The following MLIP variants were observed in gnomAD, a reference collection of about 807,000 sequenced individuals.
MLIP encodes muscular LMNA-interacting protein.
In MLIP, 79 loss-of-function variants were observed where a neutral mutation model predicts 84.8. That is an observed-to-expected ratio of 0.93 (90% CI 0.78 to 1.12). The LOEUF is 1.12. Among genes scored for constraint, MLIP ranks in the 50% most tolerant of loss-of-function variants. The probability of loss-of-function intolerance (pLI) is 0.00; values close to 1 mark genes in which losing one functional copy is unlikely to be tolerated. For missense variants in MLIP, 1,257 were observed against 1,160.6 expected, an observed-to-expected ratio of 1.08 and a Z score of -1.21; for synonymous variants, 504 against 463.0, an observed-to-expected ratio of 1.09 and a Z score of -1.14.
chr6:54,161,964 A>C (rs1473165631), intron 8 of MLIP, among the ~76,000 whole-genome samples: 2 of 151,974 alleles, frequency 1.3e-5, no homozygotes, highest in Non-Finnish European at 2.9e-5. Flanking sequence ...TATAATGAGA[A>C]TAGGATTTAA....
chr6:54,230,176 C>A (rs886066195), intron 11 of MLIP, among the ~76,000 whole-genome samples: 1 of 152,108 alleles, frequency 6.6e-6, no homozygotes, highest in Non-Finnish European at 1.5e-5. Context: ...CCAGACCCAC[C>A]CTTCCCTGAT....
At position 54,210,968 on chromosome 6, in the gene MLIP, G is replaced by T. The variant is rs550287231; in HGVS notation, c.2718+8735G>T. Among the ~76,000 whole-genome samples the T allele has an allele frequency of 5.9e-5, 9 of 152,166 alleles. No individual in the cohort carries two copies. In the South Asian group the frequency reaches 6.2e-4, roughly 11 times the overall value. On this transcript the variant is annotated intron_variant, in intron 11 of 13. Transcript: ENST00000502396. ...AATAAAGTTGGGAGGGCTGGGTGCA[G>T]TGGCTCAGGCCTGTAATCCCAGCAC... is the stretch of plus-strand genomic sequence containing the variant.
intron 1 of MLIP, chr6:54,045,759 C>T (rs1765011428): frequency 6.5e-6 from 1 of 153,428 alleles, no homozygotes; most frequent in Non-Finnish European, 1.4e-5. Context: ...AAACGTAACT[C>T]CTTCCTCTTC....
intron 1 of MLIP, among the ~76,000 whole-genome samples, chr6:54,098,874 A>G (rs1768424086): frequency 6.6e-6 from 1 of 152,166 alleles, no homozygotes; most frequent in South Asian, 2.1e-4. Flanking sequence ...TATTTTACAG[A>G]TGAGAAAATC....
chr6:54,246,225 A>C (rs933677449), intron 12 of MLIP, among the ~76,000 whole-genome samples: 4 of 152,152 alleles, frequency 2.6e-5, no homozygotes. Context: ...TCTTAGCTTT[A>C]TGAAGGCATT....
At chr6:54,177,404 C>T (rs1246970741) in intron 9 of MLIP, among the ~76,000 whole-genome samples, 1 of 151,770 alleles carries the variant, frequency 6.6e-6, no homozygotes, top group African/African-American at 2.4e-5. Context: ...AGACAATTGT[C>T]AAAAGAAGAC....
At chr6:54,138,900 C>T (rs1772058193) in intron 4 of MLIP, among the ~76,000 whole-genome samples, 1 of 152,022 alleles carries the variant, frequency 6.6e-6, no homozygotes, top group African/African-American at 2.4e-5. Context: ...AGTTAAAGTG[C>T]CTGCATAAGA....
At chr6:54,187,547 G>A (rs1266406872) in intron 9 of MLIP, among the ~76,000 whole-genome samples, 3 of 152,202 alleles carry the variant, frequency 2.0e-5, no homozygotes, top group Admixed American at 6.5e-5. Flanking sequence ...TTATTAAGAC[G>A]TTAACTTCAA....
Position 54,257,311 on chromosome 6 carries a change from A to C in MLIP, c.2926A>C (p.Ser976Arg), listed in dbSNP as rs766239927. The change falls in exon 13 of 14, where the codon AGT becomes CGT. Residue 976 changes from serine to arginine, a missense_variant. Transcript: ENST00000502396. ...CCTGGGCATCTTTTCTGTGAAGCTG[A>C]GTCATCCAATGGTGGCTATTCCTGA... is the stretch of plus-strand genomic sequence containing the variant. ...LLSHNACNKL[S>R]HPMVAIPEHE... is the part of the protein sequence containing the mutation. 2 of 1,612,114 alleles carry C rather than the reference A, an allele frequency of 1.2e-6. No individual in the cohort carries two copies. Among genetic ancestry groups the C allele is most frequent in the South Asian group, 2.2e-5 (2 of 90,938 alleles).
chr6:54,126,387 A>T (rs1770920740), intron 3 of MLIP, among the ~76,000 whole-genome samples: 1 of 151,944 alleles, frequency 6.6e-6, no homozygotes, highest in African/African-American at 2.4e-5. Flanking sequence ...CCTTTAAAAT[A>T]TTTTTTCCAA....
chr6:54,200,235 G>C (rs922059882), intron 10 of MLIP, among the ~76,000 whole-genome samples: 1 of 152,130 alleles, frequency 6.6e-6, no homozygotes, highest in African/African-American at 2.4e-5. Flanking sequence ...GCCTGCTTGC[G>C]ATAAAGGGAC....
intron 1 of MLIP, among the ~76,000 whole-genome samples, chr6:54,025,627 ACT>A (rs1429679703): frequency 2.6e-5 from 4 of 151,978 alleles, no homozygotes; most frequent in African/African-American, 7.3e-5. Context: ...AGTAGCAATG[ACT>A]CTTGCTGTGT....
intron 1 of MLIP, among the ~76,000 whole-genome samples, chr6:54,040,725 T>G (rs943992759): frequency 6.6e-6 from 1 of 152,100 alleles, no homozygotes; most frequent in African/African-American, 2.4e-5. Context: ...CATGGAATAC[T>G]ATGCAGCCAT....
At chr6:54,212,839 A>C (rs1779559003) in intron 11 of MLIP, among the ~76,000 whole-genome samples, 1 of 152,242 alleles carries the variant, frequency 6.6e-6, no homozygotes, top group South Asian at 2.1e-4. Flanking sequence ...ATACATATTT[A>C]GTGGTTTTTT....
chr6:54,258,091 T>C (rs914999339), intron 13 of MLIP, among the ~76,000 whole-genome samples: 4 of 151,828 alleles, frequency 2.6e-5, no homozygotes, highest in African/African-American at 9.7e-5. Context: ...AAGTGGAAAA[T>C]AGGAGAAAAA....
At chr6:54,128,808 C>A (rs1395416410) in intron 3 of MLIP, among the ~76,000 whole-genome samples, 1 of 152,104 alleles carries the variant, frequency 6.6e-6, no homozygotes, top group Non-Finnish European at 1.5e-5. Context: ...AATATATCAA[C>A]CTTCCTTGTG....
At chr6:54,149,163 T>G in intron 5 of MLIP, 36 bp downstream of exon 5, 1 of 1,534,748 alleles carries the variant, frequency 6.5e-7, no homozygotes, top group Non-Finnish European at 9.0e-7. Flanking sequence ...ATTTTACATT[T>G]TTAATGTGAT....
At chr6:54,133,096 A>G (rs1771519626) in intron 3 of MLIP, among the ~76,000 whole-genome samples, 1 of 152,108 alleles carries the variant, frequency 6.6e-6, no homozygotes, top group Admixed American at 6.6e-5. Context: ...ACTGAAACTT[A>G]AAAAATAGGG....
intron 1 of MLIP, chr6:54,046,076 T>A (rs1418787154): frequency 6.6e-6 from 1 of 152,156 alleles, no homozygotes; most frequent in Non-Finnish European, 1.5e-5. Context: ...AAGATAATAT[T>A]TTCATTCTCC....
Sources: allele counts gnomAD v4.1 joint callset (sites outside exome capture counted in the v4.1 genomes callset), GRCh38; gene constraint gnomAD v4.1.1; transcripts MANE v1.5; gene names NCBI Gene and HGNC (gene_info 2026-07-23, HGNC 2026-07-21).